The following PRIMA1 variants were observed in gnomAD, a reference collection of about 807,000 sequenced individuals.
PRIMA1 encodes the protein proline-rich membrane anchor 1.
Under a neutral mutation model 17.5 loss-of-function variants are expected in PRIMA1, and 7 were observed. That is an observed-to-expected ratio of 0.40 (90% confidence interval 0.23 to 0.75). PRIMA1 has a LOEUF of 0.75. Ranked by LOEUF, PRIMA1 falls within the 30% of genes least tolerant of loss-of-function variation. PRIMA1 has a pLI of 0.37. For synonymous variants in PRIMA1, 97 were observed against 77.9 expected, an observed-to-expected ratio of 1.25 and a Z score of -1.29; for missense variants, 200 against 201.8, an observed-to-expected ratio of 0.99 and a Z score of 0.05.
intron 3 of PRIMA1, among the ~76,000 whole-genome samples, chr14:93,760,475 A>C (rs976923149): frequency 6.7e-6 from 1 of 149,928 alleles, no homozygotes; most frequent in Non-Finnish European, 1.5e-5. Context: ...ACCCCTCCCT[A>C]TTCTGCTCTT....
intron 3 of PRIMA1, among the ~76,000 whole-genome samples, chr14:93,737,685 G>A (rs2076159897): frequency 1.3e-5 from 2 of 152,234 alleles, no homozygotes; most frequent in South Asian, 2.1e-4. Context: ...TCACCTGGCT[G>A]AAGGCTCCCT....
At chr14:93,756,660 C>G (rs1325831495) in intron 3 of PRIMA1, among the ~76,000 whole-genome samples, 5 of 152,166 alleles carry the variant, frequency 3.3e-5, no homozygotes, top group Non-Finnish European at 7.4e-5. Context: ...GTCCCCCAGC[C>G]CCCTGACTTC....
intron 3 of PRIMA1, among the ~76,000 whole-genome samples, chr14:93,759,671 C>A (rs1265546867): frequency 1.3e-5 from 2 of 152,126 alleles, no homozygotes; most frequent in African/African-American, 4.8e-5. Context: ...TGTTCCAGGA[C>A]GCTTTGCATT....
chr14:93,762,022 G>A (rs1478155798), intron 3 of PRIMA1, among the ~76,000 whole-genome samples: 2 of 152,102 alleles, frequency 1.3e-5, no homozygotes, highest in African/African-American at 2.4e-5. Flanking sequence ...CTGTTGTTCT[G>A]TATCCACAGA....
chr14:93,758,763 C>T (rs933052907), intron 3 of PRIMA1, among the ~76,000 whole-genome samples: 2 of 152,164 alleles, frequency 1.3e-5, no homozygotes, highest in Non-Finnish European at 2.9e-5. Flanking sequence ...AATGTGCCAC[C>T]TATTTCCTAA....
chr14:93,771,601 A>G (rs942425854), intron 3 of PRIMA1, among the ~76,000 whole-genome samples: 14 of 152,244 alleles, frequency 9.2e-5, no homozygotes, highest in African/African-American at 3.4e-4. Context: ...CAACTCCTGT[A>G]GCAGCAAGAG....
intron 3 of PRIMA1, among the ~76,000 whole-genome samples, chr14:93,757,909 A>G (rs975983886): frequency 6.6e-6 from 1 of 152,202 alleles, no homozygotes; most frequent in Admixed American, 6.5e-5. Flanking sequence ...CACATGACGG[A>G]CACTGTTGGT....
At chr14:93,733,142 A>G (rs2076126388) in intron 4 of PRIMA1, among the ~76,000 whole-genome samples, 1 of 152,178 alleles carries the variant, frequency 6.6e-6, no homozygotes, top group Non-Finnish European at 1.5e-5. Context: ...CTTGGGGGCC[A>G]CTGCTCGTGC....
intron 3 of PRIMA1, among the ~76,000 whole-genome samples, chr14:93,744,604 G>A (rs1016278635): frequency 6.6e-6 from 1 of 152,210 alleles, no homozygotes; most frequent in Non-Finnish European, 1.5e-5. Context: ...ACAGAGAAAT[G>A]AGAAATCTCC....
At chr14:93,725,568 C>A (rs374588279) in intron 4 of PRIMA1, among the ~76,000 whole-genome samples, 1 of 152,160 alleles carries the variant, frequency 6.6e-6, no homozygotes, top group Non-Finnish European at 1.5e-5. Flanking sequence ...ATTTTCTGGC[C>A]GTGTGACTTC....
rs1429950323 is a variant in PRIMA1 at position 93,719,151 on chromosome 14, G to A, written c.*2293C>T. The A allele has an allele frequency of 6.6e-6, 1 of 152,200 alleles. No individual in the cohort carries two copies. Among genetic ancestry groups the A allele is most frequent in the Non-Finnish European group, 1.5e-5 (1 of 68,042 alleles). 9.4% of individuals were successfully genotyped at this position (152,200 alleles called of 1,614,324 possible). On this transcript the variant is annotated 3_prime_UTR_variant, in exon 5 of 5. Coordinates refer to ENST00000393140, the MANE Select transcript of PRIMA1 (RefSeq NM_178013.4). ...ACTGGGGTGAGAAGGGATTTTACAA[G>A]CCCAGCTGAGAGGGAATTTATGTGC...
intron 4 of PRIMA1, among the ~76,000 whole-genome samples, chr14:93,736,173 A>G (rs970978157): frequency 6.6e-6 from 1 of 152,190 alleles, no homozygotes; most frequent in African/African-American, 2.4e-5. Context: ...TTCTTAGCCC[A>G]ACACTGGAGT....
intron 3 of PRIMA1, among the ~76,000 whole-genome samples, chr14:93,762,549 C>T (rs1275593938): frequency 6.6e-6 from 1 of 152,066 alleles, no homozygotes; most frequent in Non-Finnish European, 1.5e-5. Flanking sequence ...ATCCGGAACC[C>T]AACCATTCTC....
intron 2 of PRIMA1, among the ~76,000 whole-genome samples, chr14:93,781,854 A>G (rs539688703): frequency 1.8e-4 from 27 of 152,098 alleles, no homozygotes; most frequent in Admixed American, 1.4e-3. Flanking sequence ...GCACGCCTGT[A>G]GTCCCATCTA....
intron 4 of PRIMA1, among the ~76,000 whole-genome samples, chr14:93,723,973 C>T (rs765408022): frequency 1.3e-5 from 2 of 152,210 alleles, no homozygotes; most frequent in Non-Finnish European, 2.9e-5. Context: ...CAACCTTGCA[C>T]TCCTGAGCTC....
intron 4 of PRIMA1, among the ~76,000 whole-genome samples, chr14:93,722,730 G>A (rs2076049395): frequency 1.4e-3 from 2 of 1,400 alleles, no homozygotes; most frequent in South Asian, 0.031. Flanking sequence ...TGGTTGTGAT[G>A]GTTGGGTTAA....
intron 4 of PRIMA1, 69 bp from the exon 5 acceptor site, chr14:93,721,615 A>G (rs902388679): frequency 8.0e-5 from 74 of 927,518 alleles, no homozygotes; most frequent in Non-Finnish European, 1.1e-4. Flanking sequence ...GTTATCACTG[A>G]TGGTGGGGTG....
intron 4 of PRIMA1, among the ~76,000 whole-genome samples, chr14:93,735,088 A>G (rs1663414024): frequency 6.6e-6 from 1 of 152,188 alleles, no homozygotes; most frequent in South Asian, 2.1e-4. Context: ...GGGAGGCAGA[A>G]GTGGCTCAGG....
intron 2 of PRIMA1, among the ~76,000 whole-genome samples, chr14:93,784,036 C>T (rs1473386339): frequency 6.6e-6 from 1 of 152,202 alleles, no homozygotes; most frequent in South Asian, 2.1e-4. Context: ...CCACCTGAAC[C>T]AGGCCACCAT....
Sources: allele counts gnomAD v4.1 joint callset (sites outside exome capture counted in the v4.1 genomes callset), GRCh38; gene constraint gnomAD v4.1.1; transcripts MANE v1.5; gene names NCBI Gene and HGNC (gene_info 2026-07-23, HGNC 2026-07-21).